The following LAMA3 variants were observed in gnomAD, a reference collection of about 807,000 sequenced individuals.
LAMA3 encodes laminin subunit alpha 3.
In LAMA3, 281 loss-of-function variants were observed where a neutral mutation model predicts 402.0. That is an observed-to-expected ratio of 0.70 (90% confidence interval 0.63 to 0.77). LAMA3 has a LOEUF of 0.77. Ranked by LOEUF, LAMA3 falls within the 30% of genes least tolerant of loss-of-function variation. The pLI, the probability that LAMA3 is intolerant of heterozygous loss-of-function variation, is 0.00. For synonymous variants in LAMA3, 1,431 were observed against 1,558.4 expected, an observed-to-expected ratio of 0.92 and a Z score of 1.93; for missense variants, 3,840 against 4,215.5, an observed-to-expected ratio of 0.91 and a Z score of 2.47.
In LAMA3 at chr18:23,842,439, C is replaced by T. The variant is rs767385840; in HGVS notation, c.3381C>T (p.Tyr1127=). ...GACGTGTACCACACCTGGGCCGATA[C>T]GTCTTTGTCATCCATTTTTACCAAG... ...LRGRVPHLGR[Y]VFVIHFYQAA... Residue 1127 remains tyrosine, a synonymous_variant, in exon 28 of 75, where the codon TAC becomes TAT. Transcript: ENST00000313654. 319 of 1,614,020 alleles carry T rather than the reference C, an allele frequency of 2.0e-4. No homozygotes were observed. The highest frequency in any genetic ancestry group is 2.5e-4 in the Non-Finnish European group (293 of 1,180,038).
chr18:23,863,789 T>C (rs2064283903), intron 35 of LAMA3, among the ~76,000 whole-genome samples: 2 of 152,226 alleles, frequency 1.3e-5, no homozygotes, highest in African/African-American at 4.8e-5. Context: ...ATTTTCATCC[T>C]TCTGTCACTT....
Position 23,898,846 on chromosome 18 carries a change from A to G in LAMA3, c.5722A>G (p.Lys1908Glu). The G allele has an allele frequency of 1.3e-6, 2 of 1,595,522 alleles. No homozygotes were observed. The highest frequency in any genetic ancestry group is 1.3e-5 in the African/African-American group (1 of 74,650). Residue 1908 changes from lysine (K) to glutamate (E), a missense_variant and splice_region_variant, in exon 45 of 75, where the codon AAG becomes GAG. This residue lies in a region of LAMA3 where 891 missense variants were observed against 857.5 expected (regional missense o/e 1.04). Transcript: ENST00000313654. The part of the protein sequence containing the change: ...LNQEFETLQE[K>E]AQVNSRKAQT... ...TCAAGAATTTGAGACTTTGCAAGAA[A>G]AGGTAATGTGTTAGGTCCATTTAAC...
intron 8 of LAMA3, among the ~76,000 whole-genome samples, chr18:23,767,578 CTTTT>C (rs71163640): frequency 7.9e-6 from 1 of 125,802 alleles, no homozygotes. Context: ...TCTTTCTTTT[CTTTT>C]TTTTTTTTTT....
intron 2 of LAMA3, among the ~76,000 whole-genome samples, chr18:23,716,762 T>C (rs1168040646): frequency 6.6e-6 from 1 of 152,230 alleles, no homozygotes; most frequent in Non-Finnish European, 1.5e-5. Context: ...CTGCTGAGAA[T>C]GTGGGTTCTG....
At chr18:23,741,789 C>G (rs1357954855) in intron 2 of LAMA3, among the ~76,000 whole-genome samples, 1 of 152,132 alleles carries the variant, frequency 6.6e-6, no homozygotes, top group African/African-American at 2.4e-5. Context: ...AATAGGACAG[C>G]TTGGCTTCAC....
chr18:23,872,971 A>T, intron 38 of LAMA3: 7 of 1,591,764 alleles, frequency 4.4e-6, no homozygotes, highest in Non-Finnish European at 6.0e-6. Flanking sequence ...AGGCCCGGGC[A>T]CTGAGCAGGA....
intron 37 of LAMA3, among the ~76,000 whole-genome samples, chr18:23,869,124 T>A (rs1054067375): frequency 3.9e-5 from 6 of 152,096 alleles, no homozygotes; most frequent in African/African-American, 9.7e-5. Flanking sequence ...ATAAAAGCAA[T>A]GAGAGAACTG....
At chr18:23,912,675 G>A (rs768284961) in intron 55 of LAMA3, 36 bp from the exon 56 acceptor site, 19 of 1,580,298 alleles carry the variant, frequency 1.2e-5, no homozygotes, top group Non-Finnish European at 1.7e-5. Context: ...TTCTTCACAG[G>A]ACAGTGTTTG....
intron 2 of LAMA3, among the ~76,000 whole-genome samples, chr18:23,733,706 T>C (rs1457534906): frequency 1.3e-5 from 2 of 152,182 alleles, no homozygotes; most frequent in Non-Finnish European, 2.9e-5. Flanking sequence ...TGACCAGTTA[T>C]CCCAGTTTGC....
At chr18:23,931,405 C>T (rs374723359) in intron 65 of LAMA3, 27 of 570,674 alleles carry the variant, frequency 4.7e-5, no homozygotes, top group Middle Eastern at 4.8e-4. Flanking sequence ...GTCTGTAATC[C>T]CAACAACTAA....
intron 72 of LAMA3, 94 bp from the exon 73 acceptor site, chr18:23,951,590 G>A: frequency 1.1e-6 from 1 of 909,936 alleles, no homozygotes; most frequent in Non-Finnish European, 1.8e-6. Context: ...CCCTTAAGCT[G>A]TCAGTTGGCC....
At chr18:23,897,945 T>C (rs569990254) in intron 44 of LAMA3, among the ~76,000 whole-genome samples, 6 of 152,356 alleles carry the variant, frequency 3.9e-5, no homozygotes, top group Non-Finnish European at 8.8e-5. Flanking sequence ...TCATCTATCA[T>C]GTGGCAGACT....
chr18:23,840,080 G>A (rs952692802), intron 27 of LAMA3, 151 bp downstream of exon 27: 3 of 842,574 alleles, frequency 3.6e-6, no homozygotes, highest in Non-Finnish European at 5.9e-6. Flanking sequence ...CCAGGAATCT[G>A]TGTTTTAACA....
intron 72 of LAMA3, among the ~76,000 whole-genome samples, chr18:23,951,054 G>T (rs1004933813): frequency 3.9e-5 from 6 of 152,200 alleles, no homozygotes; most frequent in Admixed American, 2.0e-4. Context: ...CAAATTAAAT[G>T]TAAATTATTT....
At chr18:23,933,640 A>G (rs1377431841) in intron 66 of LAMA3, 142 bp from the exon 67 acceptor site, 1 of 767,870 alleles carries the variant, frequency 1.3e-6, no homozygotes, top group African/African-American at 1.7e-5. Context: ...TATTCCTTCT[A>G]TCTAACTGCA....
chr18:23,914,320 T>G, intron 56 of LAMA3, 90 bp from the exon 57 acceptor site: 8 of 1,349,768 alleles, frequency 5.9e-6, no homozygotes, highest in Non-Finnish European at 7.4e-6. Context: ...CTAAAACCCA[T>G]TAGTTATTTG....
At chr18:23,949,655 C>T in intron 70 of LAMA3, 110 bp from the exon 71 acceptor site, 1 of 1,038,242 alleles carries the variant, frequency 9.6e-7, no homozygotes, top group Non-Finnish European at 1.5e-6. Flanking sequence ...GAATGAATCC[C>T]TACCTACCTT....
intron 9 of LAMA3, among the ~76,000 whole-genome samples, chr18:23,775,456 A>T (rs2062293638): frequency 6.6e-6 from 1 of 152,156 alleles, no homozygotes; most frequent in Non-Finnish European, 1.5e-5. Flanking sequence ...GCCCAACAGA[A>T]CTAAGGCAAA....
intron 39 of LAMA3, among the ~76,000 whole-genome samples, chr18:23,880,229 G>T (rs540798375): frequency 6.6e-6 from 1 of 152,190 alleles, no homozygotes; most frequent in Non-Finnish European, 1.5e-5. Context: ...CCATAGTGCA[G>T]TGAGATTTGG....
Sources: gnomAD v4.1 joint callset for allele counts (sites outside exome capture counted in the v4.1 genomes callset) on GRCh38, gnomAD v4.1.1 for gene constraint, gnomAD v4.1.1 regional missense constraint, MANE v1.5 for transcripts, NCBI Gene and HGNC (gene_info 2026-07-23, HGNC 2026-07-21) for gene names.